Variants in FARS2 observed in about 807,000 individuals in gnomAD.
FARS2 encodes phenylalanine--tRNA ligase, mitochondrial.
FARS2 carries 40 observed loss-of-function variants against 46.4 expected under a neutral mutation model. The ratio of observed to expected loss-of-function variants is 0.86; its 90% confidence interval spans 0.67 to 1.12. FARS2 has a LOEUF of 1.12. Among genes scored for constraint, FARS2 ranks in the 50% most tolerant of loss-of-function variants. FARS2 has a pLI of 0.00. For missense variants in FARS2, 513 were observed against 567.9 expected (o/e 0.90, Z 0.98); for synonymous variants, 234 against 214.9 (o/e 1.09, Z -0.78).
At chr6:5,583,920 C>T (rs6903542) in intron 5 of FARS2, among the ~76,000 whole-genome samples, 123,812 of 152,042 alleles carry the variant, frequency 0.81, 50,473 homozygotes, top group East Asian at 0.88. Flanking sequence ...TTTGCACTTA[C>T]TTCCTGAGAA....
chr6:5,509,686 G>A (rs1246862317), intron 4 of FARS2, among the ~76,000 whole-genome samples: 3 of 152,228 alleles, frequency 2.0e-5, no homozygotes, highest in African/African-American at 7.2e-5. Flanking sequence ...CGGGAGAGCT[G>A]TGGAAGCTCA....
intron 4 of FARS2, among the ~76,000 whole-genome samples, chr6:5,462,180 G>C (rs1031018016): frequency 1.3e-5 from 2 of 152,016 alleles, no homozygotes; most frequent in African/African-American, 4.8e-5. Context: ...CATATGCTTA[G>C]TAGCCATTTG....
chr6:5,428,268 A>C lies in FARS2; in HGVS notation c.773-2773A>C, dbSNP rs184887469. Among the ~76,000 whole-genome samples the C allele has an allele frequency of 2.0e-5, 3 of 152,220 alleles. No individual in the cohort carries two copies. The East Asian group carries it at 5.8e-4, about 29-fold the overall frequency. ...GTGAGAGATGGAGTTGTATAACTGA[A>C]CTCTTCCATATTTATTTAACCTATC... On this transcript the variant is annotated intron_variant, in intron 3 of 6. Coordinates refer to ENST00000274680, the MANE Select transcript of FARS2 (RefSeq NM_006567.5).
chr6:5,256,660 T>C (rs1037852009), upstream of FARS2, among the ~76,000 whole-genome samples: 98 of 151,832 alleles, frequency 6.5e-4, 1 homozygote, highest in Non-Finnish European at 2.1e-4. Flanking sequence ...TCACACAGAG[T>C]TGGTGGTGCT....
At chr6:5,313,182 A>T (rs1466818960) in intron 1 of FARS2, among the ~76,000 whole-genome samples, 1 of 152,210 alleles carries the variant, frequency 6.6e-6, no homozygotes, top group African/African-American at 2.4e-5. Flanking sequence ...TTATTAAAGG[A>T]TCATCTGAAT....
chr6:5,621,131 GT>G (rs1775752491), intron 6 of FARS2, among the ~76,000 whole-genome samples: 1 of 152,090 alleles, frequency 6.6e-6, no homozygotes, highest in Non-Finnish European at 1.5e-5. Flanking sequence ...TTGTTTTTGT[GT>G]TTTGAGACAG....
chr6:5,417,375 C>T (rs144732136), intron 3 of FARS2, among the ~76,000 whole-genome samples: 35 of 152,134 alleles, frequency 2.3e-4, no homozygotes, highest in African/African-American at 7.5e-4. Context: ...CACCACCACA[C>T]CCCGCTAACT....
intron 4 of FARS2, among the ~76,000 whole-genome samples, chr6:5,473,092 A>G (rs926684933): frequency 9.2e-5 from 14 of 152,118 alleles, no homozygotes; most frequent in African/African-American, 3.1e-4. Flanking sequence ...TCTCGTTTAG[A>G]TGTTACTTTT....
At chr6:5,649,685 G>A (rs546811838) in intron 6 of FARS2, among the ~76,000 whole-genome samples, 1 of 152,196 alleles carries the variant, frequency 6.6e-6, no homozygotes, top group Admixed American at 6.5e-5. Context: ...CCAAGGCTTA[G>A]AGAACTGAGT....
At chr6:5,645,895 A>G (rs1582661148) in intron 6 of FARS2, among the ~76,000 whole-genome samples, 1 of 152,226 alleles carries the variant, frequency 6.6e-6, no homozygotes, top group East Asian at 1.9e-4. Context: ...TTTTAGTGCC[A>G]TGTGGCAATT....
At chr6:5,320,620 G>A (rs1258960622) in intron 1 of FARS2, among the ~76,000 whole-genome samples, 2 of 152,204 alleles carry the variant, frequency 1.3e-5, no homozygotes, top group East Asian at 3.8e-4. Context: ...GATAGGGAGA[G>A]AAGTTAGAAA....
At chr6:5,502,986 G>A (rs894484917) in intron 4 of FARS2, among the ~76,000 whole-genome samples, 4 of 151,950 alleles carry the variant, frequency 2.6e-5, no homozygotes, top group Admixed American at 6.5e-5. Flanking sequence ...CTGATTGTGC[G>A]TGTGATTGTA....
intron 6 of FARS2, among the ~76,000 whole-genome samples, chr6:5,760,824 T>G (rs1428166970): frequency 6.6e-6 from 1 of 152,222 alleles, no homozygotes; most frequent in African/African-American, 2.4e-5. Flanking sequence ...CATCACCAGT[T>G]CATTTGGCGC....
At chr6:5,651,213 A>G (rs1777343885) in intron 6 of FARS2, among the ~76,000 whole-genome samples, 2 of 152,220 alleles carry the variant, frequency 1.3e-5, no homozygotes, top group South Asian at 4.1e-4. Flanking sequence ...GCTGAAATCC[A>G]AGTTGGCAGG....
Position 5,311,099 on chromosome 6 carries a change from A to G in FARS2, c.-22+49439A>G, listed in dbSNP as rs540800895. Among the ~76,000 whole-genome samples the G allele has an allele frequency of 5.3e-5, 8 of 152,340 alleles. No homozygotes were observed. Among genetic ancestry groups the G allele is most frequent in the Non-Finnish European group, 8.8e-5 (6 of 68,024 alleles). ...ACCTGGGAACAGTCAGAACACATCA[A>G]TGAGGCACTGGTTAAATAAATCATG... On this transcript the variant is annotated intron_variant, in intron 1 of 6. Coordinates refer to ENST00000274680, the MANE Select transcript of FARS2 (RefSeq NM_006567.5). This position sits in a 1 kb window ranked among gnomAD's most constrained non-coding sequence, Gnocchi z 4.1.
intron 6 of FARS2, among the ~76,000 whole-genome samples, chr6:5,614,789 A>G (rs776803463): frequency 1.1e-4 from 17 of 152,206 alleles, no homozygotes; most frequent in African/African-American, 4.8e-5. Flanking sequence ...CCAATTATCT[A>G]AATGACTGAA....
intron 3 of FARS2, among the ~76,000 whole-genome samples, chr6:5,417,998 A>C (rs1562025563): frequency 2.0e-5 from 3 of 152,008 alleles, no homozygotes; most frequent in East Asian, 3.9e-4. Flanking sequence ...TACAGTGTCT[A>C]ATTTTCTGTT....
Position 5,539,474 on chromosome 6 carries a change from T to C in FARS2, c.905-5706T>C, listed in dbSNP as rs576699839. Among the ~76,000 whole-genome samples the C allele has an allele frequency of 1.0e-4, 15 of 150,724 alleles. No individual in the cohort carries two copies. The South Asian group carries it at 1.7e-3, about 17-fold the overall frequency. On this transcript the variant is annotated intron_variant, in intron 4 of 6. Transcript: ENST00000274680. ...GTTTCAATCTCCTGACCTCGTGATC[T>C]GCCCGCCTTGGCCTCCCAAAGTGCT... is the stretch of plus-strand genomic sequence containing the variant.
At chr6:5,650,615 G>T (rs1777308166) in intron 6 of FARS2, among the ~76,000 whole-genome samples, 1 of 152,010 alleles carries the variant, frequency 6.6e-6, no homozygotes, top group African/African-American at 2.4e-5. Context: ...CGAGTAGCTG[G>T]GACTACAGGC....
Sources: gnomAD v4.1 joint callset for allele counts (sites outside exome capture counted in the v4.1 genomes callset) on GRCh38, gnomAD v4.1.1 for gene constraint, Gnocchi (gnomAD v3.1) non-coding constraint, MANE v1.5 for transcripts, NCBI Gene and HGNC (gene_info 2026-07-23, HGNC 2026-07-21) for gene names.